The following NHSL1 variants were observed in gnomAD, a reference collection of about 807,000 sequenced individuals.
NHSL1 encodes NHS like 1.
A neutral mutation model predicts 95.0 loss-of-function variants in NHSL1; 48 were observed. The observed-to-expected ratio is 0.51, with a 90% confidence interval of 0.40 to 0.64. The LOEUF is 0.64. NHSL1 is among the 30% of genes least tolerant of loss of function. The pLI, the probability that NHSL1 is intolerant of heterozygous loss-of-function variation, is 0.00. For missense variants in NHSL1, 1,971 were observed against 2,077.7 expected, an observed-to-expected ratio of 0.95 and a Z score of 1.00; for synonymous variants, 783 against 833.9, an observed-to-expected ratio of 0.94 and a Z score of 1.05.
intron 1 of NHSL1, among the ~76,000 whole-genome samples, chr6:138,509,326 T>C (rs995517771): frequency 1.8e-4 from 27 of 152,244 alleles, no homozygotes; most frequent in African/African-American, 6.5e-4. Context: ...CAAAGTATAC[T>C]ATGATGATCC....
intron 1 of NHSL1, among the ~76,000 whole-genome samples, chr6:138,686,884 C>A (rs1022930877): frequency 6.6e-6 from 1 of 152,106 alleles, no homozygotes; most frequent in African/African-American, 2.4e-5. Flanking sequence ...CTAATTTTAA[C>A]GAAAGTTCCA....
intron 1 of NHSL1, among the ~76,000 whole-genome samples, chr6:138,604,918 C>T (rs574563679): frequency 3.9e-5 from 6 of 152,172 alleles, no homozygotes; most frequent in Non-Finnish European, 8.8e-5. Flanking sequence ...GCCACCACGC[C>T]CAGCCTGCAC....
chr6:138,515,764 G>A lies in NHSL1; in HGVS notation c.17-19393C>T, dbSNP rs559708331. ...ACGGCTGGAAGTTAATAGTATCGGG[G>A]AAAACTTGACGTAGCAGGTGACATG... On this transcript the variant is annotated intron_variant, in intron 1 of 4. Coordinates refer to the NHSL1 transcript ENST00000342260. 1.8e-3 allele frequency among the ~76,000 whole-genome samples: 274 copies of A among 152,352 alleles called. 2 individuals are homozygous for A. The highest frequency in any genetic ancestry group is 6.3e-3 in the African/African-American group (260 of 41,588).
intron 3 of NHSL1, among the ~76,000 whole-genome samples, chr6:138,458,274 ACT>A (rs1165465138): frequency 6.6e-6 from 1 of 152,210 alleles, no homozygotes; most frequent in East Asian, 1.9e-4. Context: ...GGAATCCCTA[ACT>A]CTATGTTCTC....
At chr6:138,540,598 C>T (rs1185397898) in intron 1 of NHSL1, among the ~76,000 whole-genome samples, 2 of 152,316 alleles carry the variant, frequency 1.3e-5, no homozygotes, top group Non-Finnish European at 2.9e-5. Context: ...TGGAAAGAGG[C>T]CTGTGATCTG....
chr6:138,620,815 G>C (rs1379526969), intron 1 of NHSL1, among the ~76,000 whole-genome samples: 1 of 152,190 alleles, frequency 6.6e-6, no homozygotes, highest in Non-Finnish European at 1.5e-5. Context: ...GACTACAGTA[G>C]ATGGATCTCC....
intron 1 of NHSL1, among the ~76,000 whole-genome samples, chr6:138,543,034 G>A (rs1782643415): frequency 6.6e-6 from 1 of 152,142 alleles, no homozygotes; most frequent in African/African-American, 2.4e-5. Context: ...AAAGCATTCG[G>A]ATTATAGGCT....
chr6:138,620,639 T>C (rs1000318822), intron 1 of NHSL1, among the ~76,000 whole-genome samples: 5 of 152,176 alleles, frequency 3.3e-5, no homozygotes, highest in Non-Finnish European at 7.3e-5. Context: ...TATCTGTATA[T>C]AACAATCCAA....
intron 1 of NHSL1, among the ~76,000 whole-genome samples, chr6:138,631,303 T>C (rs925472255): frequency 7.2e-5 from 11 of 152,118 alleles, no homozygotes; most frequent in Admixed American, 7.2e-4. Flanking sequence ...AGACTACAAC[T>C]TCTAGGCAAG....
chr6:138,558,999 T>C (rs1442219570), intron 1 of NHSL1, among the ~76,000 whole-genome samples: 2 of 151,868 alleles, frequency 1.3e-5, no homozygotes, highest in Non-Finnish European at 2.9e-5. Flanking sequence ...CAATAACCTA[T>C]GAGTGCACCA....
At chr6:138,632,450 G>C (rs999157447) in intron 1 of NHSL1, among the ~76,000 whole-genome samples, 1 of 152,218 alleles carries the variant, frequency 6.6e-6, no homozygotes, top group African/African-American at 2.4e-5. Context: ...TTCTGACCCA[G>C]CGCGGTCCTA....
intron 1 of NHSL1, among the ~76,000 whole-genome samples, chr6:138,533,879 T>C (rs797018111): frequency 3.9e-5 from 6 of 152,344 alleles, no homozygotes; most frequent in African/African-American, 1.2e-4. Context: ...AGAAGCTACA[T>C]GGGATGCTTA....
intron 1 of NHSL1, among the ~76,000 whole-genome samples, chr6:138,657,608 T>C (rs1309750136): frequency 1.3e-5 from 2 of 151,728 alleles, no homozygotes; most frequent in African/African-American, 4.8e-5. Flanking sequence ...GGTCAGGAGA[T>C]CGAGACCATC....
intron 1 of NHSL1, among the ~76,000 whole-genome samples, chr6:138,541,574 G>A (rs1046162618): frequency 1.3e-5 from 2 of 152,048 alleles, no homozygotes; most frequent in Non-Finnish European, 2.9e-5. Flanking sequence ...AGGAGGATAA[G>A]CAGGAGAATG....
At chr6:138,504,987 C>T (rs1468626865) in intron 1 of NHSL1, among the ~76,000 whole-genome samples, 2 of 152,128 alleles carry the variant, frequency 1.3e-5, no homozygotes, top group African/African-American at 4.8e-5. Flanking sequence ...ACGACCCATG[C>T]TTTTATCTTT....
At chr6:138,608,370 G>C (rs960154019) in intron 1 of NHSL1, among the ~76,000 whole-genome samples, 2 of 143,264 alleles carry the variant, frequency 1.4e-5, no homozygotes, top group Non-Finnish European at 3.1e-5. Context: ...ACATGAAGCA[G>C]AATTTTAACA....
chr6:138,439,597 C>G (rs747911735), intron 5 of NHSL1, among the ~76,000 whole-genome samples: 11 of 152,222 alleles, frequency 7.2e-5, no homozygotes, highest in South Asian at 6.2e-4. Flanking sequence ...ACTCCTCATT[C>G]TATCCAGTAA....
At chr6:138,684,706 T>G (rs1376104317) in intron 1 of NHSL1, among the ~76,000 whole-genome samples, 1 of 151,582 alleles carries the variant, frequency 6.6e-6, no homozygotes, top group Non-Finnish European at 1.5e-5. Flanking sequence ...TCTCAGAGAG[T>G]TCCTCAGTCA....
chr6:138,545,623 C>T, exon 1 of NHSL1: 1 of 1,289,368 alleles, frequency 7.8e-7, no homozygotes, highest in Non-Finnish European at 1.0e-6. Context: ...GTCCCCTCAC[C>T]TTTCAGACAG....
Sources: gnomAD v4.1 joint callset for allele counts (sites outside exome capture counted in the v4.1 genomes callset) on GRCh38, gnomAD v4.1.1 for gene constraint, MANE v1.5 for transcripts, NCBI Gene and HGNC (gene_info 2026-07-23, HGNC 2026-07-21) for gene names.